CCDC3: variants seen among roughly 807,000 people sequenced by gnomAD.
CCDC3 encodes coiled-coil domain-containing protein 3.
Under a neutral mutation model 21.4 loss-of-function variants are expected in CCDC3, and 24 were observed. That is an observed-to-expected ratio of 1.12 (90% CI 0.81 to 1.58). The LOEUF (loss-of-function observed/expected upper bound fraction) is 1.58. Ranked by LOEUF, CCDC3 falls within the 40% of genes most tolerant of loss-of-function variation. The probability of loss-of-function intolerance (pLI) is 0.00; values close to 1 mark genes in which losing one functional copy is unlikely to be tolerated. For missense variants in CCDC3, 425 were observed against 360.9 expected (o/e 1.18, Z -1.44); for synonymous variants, 186 against 166.0 (o/e 1.12, Z -0.93).
chr10:12,939,218 A>T (rs1667754939), intron 2 of CCDC3, among the ~76,000 whole-genome samples: 1 of 152,222 alleles, frequency 6.6e-6, no homozygotes, highest in Admixed American at 6.5e-5. Context: ...AGGCCAGTGG[A>T]CAAGGTGTCC....
At chr10:12,999,363 G>C (rs925690883) in intron 1 of CCDC3, among the ~76,000 whole-genome samples, 8 of 152,166 alleles carry the variant, frequency 5.3e-5, no homozygotes, top group Non-Finnish European at 1.2e-4. Flanking sequence ...GCATGTTAGT[G>C]AACACATTTA....
At chr10:12,914,627 A>G (rs1834322474) in intron 2 of CCDC3, among the ~76,000 whole-genome samples, 1 of 151,788 alleles carries the variant, frequency 6.6e-6, no homozygotes, top group East Asian at 1.9e-4. Context: ...TGTATTGTGT[A>G]GAGCCGGGAT....
intron 2 of CCDC3, among the ~76,000 whole-genome samples, chr10:12,910,211 T>C (rs567784512): frequency 1.3e-5 from 2 of 152,308 alleles, no homozygotes; most frequent in African/African-American, 4.8e-5. Context: ...CTGACTCTCC[T>C]TGGATTGGAA....
intron 2 of CCDC3, among the ~76,000 whole-genome samples, chr10:12,981,974 T>C (rs1408685509): frequency 6.6e-6 from 1 of 151,396 alleles, no homozygotes; most frequent in Non-Finnish European, 1.5e-5. Flanking sequence ...AATACAAAAA[T>C]TAGCTGGGCG....
chr10:13,062,658 T>C (rs1836771665), intron 4 of CCDC3, among the ~76,000 whole-genome samples: 1 of 152,086 alleles, frequency 6.6e-6, no homozygotes, highest in African/African-American at 2.4e-5. Context: ...AGAAACTTAG[T>C]TTATGGTTTA....
chr10:12,916,660 A>G (rs1433355826), intron 2 of CCDC3, among the ~76,000 whole-genome samples: 1 of 151,756 alleles, frequency 6.6e-6, no homozygotes, highest in African/African-American at 2.4e-5. Context: ...CAGGGGTGCC[A>G]ACCTGGTACT....
intron 4 of CCDC3, among the ~76,000 whole-genome samples, chr10:13,067,289 A>G (rs1431816604): frequency 3.3e-5 from 5 of 152,230 alleles, no homozygotes; most frequent in East Asian, 1.9e-4. Flanking sequence ...ACCCATTTGT[A>G]TAAGAGTAAG....
intron 2 of CCDC3, among the ~76,000 whole-genome samples, chr10:12,906,403 G>C (rs935500794): frequency 6.6e-6 from 1 of 152,228 alleles, no homozygotes; most frequent in Non-Finnish European, 1.5e-5. Context: ...AGTCAGGGAA[G>C]AGGCTGGGGC....
rs1451100835 is a variant in CCDC3, at chr10:13,077,592, TA to T, written c.-502-3493del. ...AAGAACAAAGCTGGAGGCATCACGC[TA>T]CCTGACTTCAAACTATACTACAAGG... is the stretch of plus-strand genomic sequence containing the variant. On this transcript the variant is annotated intron_variant, in intron 3 of 6. Transcript: ENST00000378839. 5.9e-5 allele frequency among the ~76,000 whole-genome samples: 9 copies of T among 152,264 alleles called. No individual in the cohort carries two copies. The East Asian group carries it at 1.7e-3, about 29-fold the overall frequency.
intron 2 of CCDC3, among the ~76,000 whole-genome samples, chr10:12,960,964 A>G (rs1036327391): frequency 2.6e-5 from 4 of 152,078 alleles, no homozygotes; most frequent in African/African-American, 4.8e-5. Context: ...GTATTCCTAG[A>G]ATAGGGTCTC....
intron 4 of CCDC3, among the ~76,000 whole-genome samples, chr10:13,068,258 C>G (rs539581045): frequency 2.0e-5 from 3 of 152,160 alleles, no homozygotes; most frequent in Non-Finnish European, 2.9e-5. Flanking sequence ...CACCCGGAAG[C>G]CAATAATCCA....
chr10:13,008,842 G>A (rs1339890472), intron 5 of CCDC3, among the ~76,000 whole-genome samples: 1 of 152,186 alleles, frequency 6.6e-6, no homozygotes, highest in Non-Finnish European at 1.5e-5. Flanking sequence ...CACTTAATGT[G>A]AAAGACTGAG....
rs187958750 is a variant in CCDC3 at position 13,089,866 on chromosome 10, T to C, written c.-503+8659A>G. On this transcript the variant is annotated intron_variant, in intron 3 of 6. Transcript: ENST00000378839. ...TTTCTCCGTGAGTTCCCAAAGTCCA[T>C]TGTGTCATTCTTACGCCATTGCATC... Among the ~76,000 whole-genome samples, 6 of 137,090 alleles carry C rather than the reference T, an allele frequency of 4.4e-5. No individual in the cohort carries two copies. In the East Asian group the frequency reaches 7.1e-4, roughly 16 times the overall value. The allele number at this position is 137,090 out of a possible 152,430, so 89.9% of individuals were successfully genotyped here.
rs1834791883 is a variant in CCDC3 at position 12,939,741 on chromosome 10, ATATTCTGATCAAATAGTAGTAAT to A, written c.550-41085_550-41063del. On this transcript the variant is annotated intron_variant, in intron 2 of 2. Coordinates refer to ENST00000378825, the MANE Select transcript of CCDC3 (RefSeq NM_031455.4). ...ATGCAGAAAAATTGCTTGATATGAC[ATATTCTGATCAAATAGTAGTAAT>A]TACCCAAAAGGGTAATGAAATCAAG... Among the ~76,000 whole-genome samples, 7 of 152,266 alleles carry A rather than the reference ATATTCTGATCAAATAGTAGTAAT, an allele frequency of 4.6e-5. No individual in the cohort carries two copies. In the South Asian group the frequency reaches 1.5e-3, roughly 32 times the overall value.
intron 5 of CCDC3, among the ~76,000 whole-genome samples, chr10:13,007,246 C>T (rs1372913381): frequency 6.6e-6 from 1 of 152,108 alleles, no homozygotes; most frequent in Non-Finnish European, 1.5e-5. Context: ...GGTCACACAT[C>T]GAGTATTCAG....
Position 12,910,671 on chromosome 10 carries a change from G to A in CCDC3, c.550-11992C>T, listed in dbSNP as rs1834258946. 2.7e-5 allele frequency among the ~76,000 whole-genome samples: 4 copies of A among 149,326 alleles called. No individual in the cohort carries two copies. In the South Asian group the frequency reaches 6.3e-4, roughly 24 times the overall value. ...GTTGCCCAGGCTAGAATATAGTGGC[G>A]TGATCTTGGCTCACTGCAACCTCCA... On this transcript the variant is annotated intron_variant, in intron 2 of 2. Coordinates refer to ENST00000378825, the MANE Select transcript of CCDC3 (RefSeq NM_031455.4).
chr10:12,945,409 A>C (rs749076497), intron 2 of CCDC3, among the ~76,000 whole-genome samples: 8 of 152,180 alleles, frequency 5.3e-5, no homozygotes, highest in Non-Finnish European at 1.2e-4. Context: ...TGAGAAAAAA[A>C]GTATAGGGAA....
At chr10:13,087,793 A>G (rs972385045) in intron 3 of CCDC3, among the ~76,000 whole-genome samples, 9 of 152,030 alleles carry the variant, frequency 5.9e-5, no homozygotes, top group Non-Finnish European at 1.0e-4. Context: ...TTTCCTATGT[A>G]CTCTGCAATG....
At chr10:12,937,242 C>T (rs1305706643) in intron 2 of CCDC3, among the ~76,000 whole-genome samples, 2 of 152,082 alleles carry the variant, frequency 1.3e-5, no homozygotes, top group Non-Finnish European at 2.9e-5. Flanking sequence ...TGTATTTTCC[C>T]GTTTGACTGA....
Sources: allele counts gnomAD v4.1 joint callset (sites outside exome capture counted in the v4.1 genomes callset), GRCh38; gene constraint gnomAD v4.1.1; transcripts MANE v1.5; gene names NCBI Gene and HGNC (gene_info 2026-07-23, HGNC 2026-07-21).